CERT1: variants seen among roughly 807,000 people sequenced by gnomAD.
The protein encoded by CERT1 is ceramide transporter 1.
Under a neutral mutation model 87.9 loss-of-function variants are expected in CERT1, and 31 were observed. The ratio of observed to expected loss-of-function variants is 0.35; its 90% CI spans 0.27 to 0.48. The LOEUF (loss-of-function observed/expected upper bound fraction) is 0.48, where lower values mean the gene tolerates loss of function less well. Among genes scored for constraint, CERT1 ranks in the 20% least tolerant of loss-of-function variants. The pLI is 0.99. For synonymous variants in CERT1, 289 were observed against 250.9 expected (o/e 1.15, Z -1.44); for missense variants, 487 against 758.0 (o/e 0.64, Z 4.20).
chr5:75,406,252 ATAT>A (rs1762701940), intron 8 of CERT1, among the ~76,000 whole-genome samples: 2 of 152,186 alleles, frequency 1.3e-5, no homozygotes, highest in African/African-American at 2.4e-5. Context: ...CTGAGGAAAA[ATAT>A]TATTTTGCTT....
chr5:75,456,629 A>T (rs1404298561), intron 3 of CERT1, among the ~76,000 whole-genome samples: 1 of 143,738 alleles, frequency 7.0e-6, no homozygotes, highest in Admixed American at 7.2e-5. Context: ...AGCCGAGATC[A>T]CACTCCATGC....
chr5:75,425,601 C>CCTG, intron 4 of CERT1, 102 bp from the exon 5 acceptor site: 1 of 1,100,522 alleles, frequency 9.1e-7, no homozygotes, highest in Admixed American at 2.1e-5. Context: ...CACCTTATAA[C>CCTG]TGAGGGCATG....
At chr5:75,372,450 T>C (rs908546723) in intron 17 of CERT1, 3 of 152,074 alleles carry the variant, frequency 2.0e-5, no homozygotes, top group African/African-American at 7.2e-5. Flanking sequence ...TAAACCAACA[T>C]GATAATTTGT....
chr5:75,377,036 CT>C (rs1354946066), downstream of CERT1: 1 of 152,112 alleles, frequency 6.6e-6, no homozygotes, highest in Non-Finnish European at 1.5e-5. Context: ...CATGTTATTG[CT>C]TACCATTTGT....
chr5:75,393,153 G>T (rs984292437), intron 11 of CERT1, among the ~76,000 whole-genome samples: 1 of 151,556 alleles, frequency 6.6e-6, no homozygotes, highest in Non-Finnish European at 1.5e-5. Flanking sequence ...AAATGAAAAA[G>T]ACTCAGTCAA....
intron 15 of CERT1, 103 bp from the exon 16 acceptor site, chr5:75,381,304 A>G: frequency 7.8e-7 from 1 of 1,280,502 alleles, no homozygotes; most frequent in Non-Finnish European, 1.1e-6. Flanking sequence ...TCTTAAAAGT[A>G]TCTCCAGTGA....
At position 75,489,765 on chromosome 5, in the gene CERT1, G is replaced by A. The variant is rs1254252760; in HGVS notation, c.231+16217C>T. ...TGCTGGAGAGGATGTGGAGAAATAG[G>A]AACGCTTTTACTCTGTTGGTGGGAG... On this transcript the variant is annotated intron_variant, in intron 2 of 16. Coordinates refer to ENST00000643780, the MANE Select transcript of CERT1 (RefSeq NM_001379029.1). Among the ~76,000 whole-genome samples, 4 of 152,194 alleles carry A rather than the reference G, an allele frequency of 2.6e-5. No individual in the cohort carries two copies. The East Asian group carries it at 7.7e-4, about 29-fold the overall frequency.
chr5:75,388,517 CT>C (rs1322650926), intron 12 of CERT1, among the ~76,000 whole-genome samples: 2 of 147,236 alleles, frequency 1.4e-5, no homozygotes, highest in Admixed American at 1.4e-4. Context: ...TCACAGAGAT[CT>C]TTCTTTTCTG....
At chr5:75,439,656 T>C (rs1175502411) in intron 3 of CERT1, among the ~76,000 whole-genome samples, 1 of 151,974 alleles carries the variant, frequency 6.6e-6, no homozygotes, top group Non-Finnish European at 1.5e-5. Flanking sequence ...AAACCCGTAA[T>C]AAAATCAAAC....
Position 75,426,457 on chromosome 5 carries a change from C to A in CERT1, c.370G>T (p.Glu124Ter). 6.2e-7 allele frequency: 1 copy of A among 1,612,108 alleles called. No individual in the cohort carries two copies. Among genetic ancestry groups the A allele is most frequent in the Non-Finnish European group, 8.5e-7 (1 of 1,178,660 alleles). ...QHKTESGYGS[E>*]SSLRRHGSMV... Reference sequence around the variant, plus strand: ...GAGCCATGTCGACGCAAGCTGGATTCAGATCCATATCCAGATTCAGTCTAA... The same window carrying A: ...GAGCCATGTCGACGCAAGCTGGATTAAGATCCATATCCAGATTCAGTCTAA... Residue 124 changes from glutamate (E) to a stop codon, truncating the protein, a stop_gained, in exon 4 of 17, where the codon GAA becomes TAA. Transcript: ENST00000643780. LOFTEE classifies it high-confidence loss of function.
chr5:75,389,740 T>C, intron 11 of CERT1, 53 bp from the exon 12 acceptor site: 2 of 1,356,174 alleles, frequency 1.5e-6, no homozygotes. Context: ...TCATAATCTC[T>C]AAAACAGAAT....
At chr5:75,454,300 T>C (rs1010226857) in intron 3 of CERT1, among the ~76,000 whole-genome samples, 2 of 152,216 alleles carry the variant, frequency 1.3e-5, no homozygotes, top group Non-Finnish European at 2.9e-5. Context: ...AGTTTTTGCA[T>C]TGTTGAAATT....
In CERT1 at chr5:75,451,702, G is replaced by C. The variant is rs151231148; in HGVS notation, c.348+7363C>G. 2.1e-3 allele frequency among the ~76,000 whole-genome samples: 322 copies of C among 152,154 alleles called. 1 individual carries two copies. Among genetic ancestry groups the C allele is most frequent in the Non-Finnish European group, 2.4e-3 (165 of 67,990 alleles). On this transcript the variant is annotated intron_variant, in intron 3 of 16. Transcript: ENST00000643780. ...ACAAACCAACAGTATGACTTTATAT[G>C]ACCTTGATATTTAAAAACTACTAAG...
intron 5 of CERT1, 64 bp downstream of exon 5, chr5:75,425,297 G>C: frequency 6.8e-7 from 1 of 1,481,268 alleles, no homozygotes; most frequent in Non-Finnish European, 9.3e-7. Flanking sequence ...ATTACCCTTT[G>C]AGATCAAGAG....
chr5:75,372,646 T>C (rs1761125266), intron 17 of CERT1: 1 of 152,226 alleles, frequency 6.6e-6, no homozygotes, highest in South Asian at 2.1e-4. Context: ...TATATGTATT[T>C]TTCTCTCTGT....
intron 12 of CERT1, 106 bp from the exon 13 acceptor site, chr5:75,386,140 C>A: frequency 2.3e-6 from 2 of 855,738 alleles, no homozygotes; most frequent in South Asian, 4.8e-5. Context: ...TTATGAAAGT[C>A]TATTTATAGA....
chr5:75,454,816 T>C (rs890265302), intron 3 of CERT1, among the ~76,000 whole-genome samples: 3 of 152,130 alleles, frequency 2.0e-5, no homozygotes, highest in Non-Finnish European at 4.4e-5. Flanking sequence ...ATGAGCTGAG[T>C]GAAAATTTTA....
At chr5:75,387,534 G>C (rs1403309922) in intron 12 of CERT1, among the ~76,000 whole-genome samples, 1 of 152,008 alleles carries the variant, frequency 6.6e-6, no homozygotes, top group African/African-American at 2.4e-5. Flanking sequence ...CTGAGGTCAG[G>C]AGTTCAAGAC....
intron 3 of CERT1, among the ~76,000 whole-genome samples, chr5:75,440,070 A>C (rs1452250233): frequency 6.6e-6 from 1 of 152,036 alleles, no homozygotes; most frequent in African/African-American, 2.4e-5. Context: ...GTTAGTCCAG[A>C]AGTGTAATTC....
Sources: allele counts gnomAD v4.1 joint callset (sites outside exome capture counted in the v4.1 genomes callset), GRCh38; gene constraint gnomAD v4.1.1; transcripts MANE v1.5; gene names NCBI Gene and HGNC (gene_info 2026-07-23, HGNC 2026-07-21).